MAGI2: variants seen among roughly 807,000 people sequenced by gnomAD.
MAGI2 encodes the protein membrane-associated guanylate kinase, WW and PDZ domain-containing protein 2.
A neutral mutation model predicts 133.3 loss-of-function variants in MAGI2; 35 were observed. That is an observed-to-expected ratio of 0.26 (90% CI 0.20 to 0.35). MAGI2 has a LOEUF of 0.35. Among genes scored for constraint, MAGI2 ranks in the 10% least tolerant of loss-of-function variants. The pLI is 1.00. For missense variants in MAGI2, 1,636 were observed against 1,863.4 expected (o/e 0.88, Z 2.25); for synonymous variants, 729 against 710.6 (o/e 1.03, Z -0.41).
intron 9 of MAGI2, among the ~76,000 whole-genome samples, chr7:78,336,274 G>A (rs1270908128): frequency 6.6e-6 from 1 of 152,124 alleles, no homozygotes; most frequent in Non-Finnish European, 1.5e-5. Flanking sequence ...GTAGGTCTGG[G>A]GGCACAGGAA....
chr7:78,602,753 GCTT>G (rs1174049448), intron 3 of MAGI2, among the ~76,000 whole-genome samples: 1 of 152,066 alleles, frequency 6.6e-6, no homozygotes, highest in Non-Finnish European at 1.5e-5. Context: ...TGCTTTTAAT[GCTT>G]ATTATGATCA....
chr7:78,292,858 T>C (rs954299888), intron 9 of MAGI2, among the ~76,000 whole-genome samples: 1 of 152,164 alleles, frequency 6.6e-6, no homozygotes, highest in Non-Finnish European at 1.5e-5. Flanking sequence ...TAATAAATGG[T>C]GCTGGGAAAA....
chr7:78,289,637 C>G (rs1584738318), intron 9 of MAGI2, among the ~76,000 whole-genome samples: 2 of 151,892 alleles, frequency 1.3e-5, no homozygotes, highest in African/African-American at 4.8e-5. Flanking sequence ...CAACCACAAC[C>G]CCAACACACA....
At chr7:78,697,545 A>G (rs1438494963) in intron 2 of MAGI2, among the ~76,000 whole-genome samples, 4 of 152,184 alleles carry the variant, frequency 2.6e-5, no homozygotes, top group African/African-American at 7.2e-5. Context: ...GCTGTTATAA[A>G]CATTAAATGA....
chr7:78,364,209 G>A (rs1793141150), intron 7 of MAGI2, among the ~76,000 whole-genome samples: 1 of 151,950 alleles, frequency 6.6e-6, no homozygotes, highest in African/African-American at 2.4e-5. Flanking sequence ...ATTTTAAAAG[G>A]GTATTCTTTT....
intron 9 of MAGI2, among the ~76,000 whole-genome samples, chr7:78,340,912 T>C: frequency 6.6e-6 from 1 of 152,110 alleles, no homozygotes. Context: ...AAGGATACCC[T>C]CTCTCACCAC....
chr7:79,058,470 T>C (rs1277594965), intron 1 of MAGI2, among the ~76,000 whole-genome samples: 1 of 152,088 alleles, frequency 6.6e-6, no homozygotes, highest in Non-Finnish European at 1.5e-5. Context: ...TACTCCACAG[T>C]TGAGAAAGCA....
At chr7:79,415,633 C>T (rs1846447305) in intron 1 of MAGI2, 1 of 152,108 alleles carries the variant, frequency 6.6e-6, no homozygotes, top group African/African-American at 2.4e-5. Flanking sequence ...CAGAAAATCC[C>T]TCAAAAGGGC....
intron 2 of MAGI2, among the ~76,000 whole-genome samples, chr7:78,984,920 T>C (rs191091591): frequency 4.7e-4 from 71 of 152,184 alleles, no homozygotes; most frequent in African/African-American, 1.5e-3. Context: ...GAGCACTCAA[T>C]ATACAATTTC....
intron 17 of MAGI2, among the ~76,000 whole-genome samples, chr7:78,133,421 G>T (rs1237109439): frequency 1.3e-5 from 2 of 152,136 alleles, no homozygotes; most frequent in Non-Finnish European, 2.9e-5. Flanking sequence ...TCCGCCACCA[G>T]TTTTTGCTTG....
intron 1 of MAGI2, among the ~76,000 whole-genome samples, chr7:79,328,176 A>C (rs1839830785): frequency 1.3e-5 from 2 of 152,216 alleles, no homozygotes; most frequent in African/African-American, 4.8e-5. Context: ...TAGCTTCTAC[A>C]TTATTAATAA....
chr7:79,141,040 C>T (rs534665060), intron 1 of MAGI2, among the ~76,000 whole-genome samples: 1 of 152,136 alleles, frequency 6.6e-6, no homozygotes, highest in Non-Finnish European at 1.5e-5. Context: ...ACTGTCTAAT[C>T]CTTTCAGTTG....
At chr7:78,389,180 C>G (rs1336020834) in intron 6 of MAGI2, among the ~76,000 whole-genome samples, 1 of 152,194 alleles carries the variant, frequency 6.6e-6, no homozygotes, top group African/African-American at 2.4e-5. Context: ...AATAGAGACA[C>G]AAATTAGTTC....
intron 1 of MAGI2, among the ~76,000 whole-genome samples, chr7:79,107,874 A>G (rs557892644): frequency 6.6e-6 from 1 of 152,354 alleles, no homozygotes; most frequent in African/African-American, 2.4e-5. Flanking sequence ...ATTCTATTAT[A>G]AAAATTCATT....
chr7:78,277,494 G>A (rs1584682293), intron 9 of MAGI2, among the ~76,000 whole-genome samples: 1 of 152,154 alleles, frequency 6.6e-6, no homozygotes, highest in African/African-American at 2.4e-5. Context: ...TTTCAAGAAG[G>A]CATGAGATGT....
intron 2 of MAGI2, among the ~76,000 whole-genome samples, chr7:78,810,699 A>C (rs957116013): frequency 6.6e-6 from 1 of 152,076 alleles, no homozygotes; most frequent in Non-Finnish European, 1.5e-5. Flanking sequence ...ATGACTCCCA[A>C]TACAATTTTA....
chr7:78,203,315 C>CGG, intron 10 of MAGI2, among the ~76,000 whole-genome samples: 1 of 152,332 alleles, frequency 6.6e-6, no homozygotes, highest in Non-Finnish European at 1.5e-5. Flanking sequence ...CTCATCTCCA[C>CGG]ATGAGACGTT....
intron 1 of MAGI2, among the ~76,000 whole-genome samples, chr7:79,008,385 A>G (rs887379069): frequency 6.6e-6 from 1 of 152,150 alleles, no homozygotes. Context: ...ATATTGTAAC[A>G]TTTCTAAAGT....
chr7:79,251,729 G>T (rs767820360), intron 1 of MAGI2, among the ~76,000 whole-genome samples: 1 of 152,144 alleles, frequency 6.6e-6, no homozygotes. Flanking sequence ...CAATACCACT[G>T]CTAGGTATAC....
Sources: allele counts gnomAD v4.1 joint callset (sites outside exome capture counted in the v4.1 genomes callset), GRCh38; gene constraint gnomAD v4.1.1; transcripts MANE v1.5; gene names NCBI Gene and HGNC (gene_info 2026-07-23, HGNC 2026-07-21).